FARSB: variants seen among roughly 807,000 people sequenced by gnomAD.
FARSB encodes phenylalanyl-tRNA synthetase subunit beta.
FARSB carries 40 observed loss-of-function variants against 69.6 expected under a neutral mutation model. The observed-to-expected ratio is 0.57, with a 90% CI of 0.45 to 0.75. The LOEUF is 0.75. Ranked by LOEUF, FARSB falls within the 30% of genes least tolerant of loss-of-function variation. The pLI, the probability that FARSB is intolerant of heterozygous loss-of-function variation, is 0.00. For synonymous variants in FARSB, 235 were observed against 247.2 expected (o/e 0.95, Z 0.46); for missense variants, 632 against 722.9 (o/e 0.87, Z 1.44).
chr2:222,613,017 T>C (rs957712716), intron 15 of FARSB, among the ~76,000 whole-genome samples: 21 of 152,202 alleles, frequency 1.4e-4, no homozygotes, highest in Admixed American at 2.0e-4. Context: ...ATATCAAGTA[T>C]GTTAAGACAA....
At chr2:222,654,609 G>C (rs1380192220) in intron 1 of FARSB, among the ~76,000 whole-genome samples, 1 of 152,016 alleles carries the variant, frequency 6.6e-6, no homozygotes, top group Non-Finnish European at 1.5e-5. Context: ...GCGATTAGGC[G>C]ATTAGAGCCA....
At chr2:222,612,957 A>T (rs1350896867) in intron 15 of FARSB, among the ~76,000 whole-genome samples, 1 of 152,268 alleles carries the variant, frequency 6.6e-6, no homozygotes, top group Non-Finnish European at 1.5e-5. Context: ...ATTCGCAGTC[A>T]CTGGTACAAT....
intron 16 of FARSB, among the ~76,000 whole-genome samples, chr2:222,580,252 C>T (rs558125242): frequency 6.6e-6 from 1 of 152,024 alleles, no homozygotes; most frequent in Non-Finnish European, 1.5e-5. Flanking sequence ...TATGTCATAG[C>T]TTGTCAACTT....
intron 16 of FARSB, among the ~76,000 whole-genome samples, chr2:222,578,870 T>A (rs1196756973): frequency 1.3e-5 from 2 of 151,748 alleles, no homozygotes; most frequent in Non-Finnish European, 2.9e-5. Context: ...TAGTCCCAGC[T>A]ACTCAGGAGG....
chr2:222,571,954 CCCCAAGCTT>C lies in FARSB; in HGVS notation c.1678_1686del (p.Lys560_Gly562del). On this transcript the variant is annotated inframe_deletion, in exon 17 of 17. Transcript: ENST00000281828. ...TTGGTGATAACGTCAGGATGAAGGACCCCAAGCTTCCCGACGCTTTGACCCCTGGCAAAG... is the reference window on the plus strand; with the variant it reads ...TTGGTGATAACGTCAGGATGAAGGACCCCGACGCTTTGACCCCTGGCAAAG... 1 of 1,613,792 alleles carries C rather than the reference CCCCAAGCTT, an allele frequency of 6.2e-7. No homozygotes were observed. Among genetic ancestry groups the C allele is most frequent in the South Asian group, 1.1e-5 (1 of 91,064 alleles).
intron 15 of FARSB, among the ~76,000 whole-genome samples, chr2:222,605,088 A>T (rs1690665665): frequency 6.6e-6 from 1 of 152,098 alleles, no homozygotes; most frequent in African/African-American, 2.4e-5. Context: ...TCAGACAGGC[A>T]CAAAACCTCA....
intron 10 of FARSB, 110 bp downstream of exon 10, chr2:222,628,727 C>A (rs1691338792): frequency 1.4e-6 from 1 of 721,386 alleles, no homozygotes; most frequent in East Asian, 2.6e-5. Flanking sequence ...TAGCGCCTGG[C>A]ACACGGGTGG....
At chr2:222,576,474 T>C (rs1019106587) in intron 16 of FARSB, among the ~76,000 whole-genome samples, 4 of 152,250 alleles carry the variant, frequency 2.6e-5, no homozygotes, top group South Asian at 2.1e-4. Context: ...GTTTTAACTA[T>C]ACATAAGTCT....
chr2:222,588,931 C>G (rs1474671303), intron 16 of FARSB, among the ~76,000 whole-genome samples: 1 of 152,180 alleles, frequency 6.6e-6, no homozygotes, highest in Non-Finnish European at 1.5e-5. Flanking sequence ...AATGGCCATA[C>G]TGCCCAAGGT....
At chr2:222,625,314 G>A (rs780695930) in intron 10 of FARSB, among the ~76,000 whole-genome samples, 3 of 152,160 alleles carry the variant, frequency 2.0e-5, no homozygotes, top group Non-Finnish European at 4.4e-5. Context: ...AGTGAGGTGA[G>A]AACACACACA....
At chr2:222,589,313 T>C (rs1690202850) in intron 16 of FARSB, among the ~76,000 whole-genome samples, 1 of 152,148 alleles carries the variant, frequency 6.6e-6, no homozygotes, top group Non-Finnish European at 1.5e-5. Flanking sequence ...TAGCCATATG[T>C]AGAAAGCTGA....
chr2:222,597,122 A>G (rs774350494), intron 16 of FARSB, among the ~76,000 whole-genome samples: 2 of 152,166 alleles, frequency 1.3e-5, no homozygotes, highest in Non-Finnish European at 2.9e-5. Flanking sequence ...TGATGGTGAT[A>G]GGGGGTGAAA....
At position 222,628,903 on chromosome 2, in the gene FARSB, C is replaced by T. The variant is rs758087622; in HGVS notation, c.849-15G>A. ...CAGCTTCGACCCTGAAAACAAAAGCCAGAAATAAAATACTTAAGAAAAAAA... is the reference window on the plus strand; with the variant it reads ...CAGCTTCGACCCTGAAAACAAAAGCTAGAAATAAAATACTTAAGAAAAAAA... On this transcript the variant is annotated splice_polypyrimidine_tract_variant and intron_variant, in intron 9 of 16. Transcript: ENST00000281828. 38 of 1,601,410 alleles carry T rather than the reference C, an allele frequency of 2.4e-5. No homozygotes were observed. Among genetic ancestry groups the T allele is most frequent in the Non-Finnish European group, 3.1e-5 (36 of 1,171,366 alleles).
chr2:222,643,064 TAAAAG>T (rs1691763578), intron 2 of FARSB, 59 bp from the exon 3 acceptor site: 2 of 1,129,418 alleles, frequency 1.8e-6, no homozygotes, highest in East Asian at 5.2e-5. Context: ...CTTTAAAAAG[TAAAAG>T]TTGTCAGCCC....
At chr2:222,650,325 G>C (rs1266737174) in intron 1 of FARSB, among the ~76,000 whole-genome samples, 1 of 152,186 alleles carries the variant, frequency 6.6e-6, no homozygotes, top group East Asian at 1.9e-4. Context: ...TTCTTCGGCT[G>C]GGCAAAAACA....
chr2:222,621,166 A>G (rs999015941), intron 13 of FARSB, among the ~76,000 whole-genome samples: 1 of 152,260 alleles, frequency 6.6e-6, no homozygotes, highest in African/African-American at 2.4e-5. Context: ...CTGCAGACAC[A>G]TGGCAACGCA....
chr2:222,650,567 T>C (rs1692009908), intron 1 of FARSB, among the ~76,000 whole-genome samples: 1 of 152,094 alleles, frequency 6.6e-6, no homozygotes, highest in Non-Finnish European at 1.5e-5. Context: ...CTAAGATGAC[T>C]CCCCGATCTC....
At chr2:222,576,211 T>C (rs1689835503) in intron 16 of FARSB, among the ~76,000 whole-genome samples, 1 of 152,100 alleles carries the variant, frequency 6.6e-6, no homozygotes, top group South Asian at 2.1e-4. Flanking sequence ...AATCATTTGG[T>C]ATTTTATTTA....
intron 16 of FARSB, among the ~76,000 whole-genome samples, chr2:222,587,409 A>T (rs1690144303): frequency 6.6e-6 from 1 of 152,258 alleles, no homozygotes; most frequent in Admixed American, 6.5e-5. Context: ...AAAGCAGGAA[A>T]GATCTAAAAT....
Sources: allele counts gnomAD v4.1 joint callset (sites outside exome capture counted in the v4.1 genomes callset), GRCh38; gene constraint gnomAD v4.1.1; transcripts MANE v1.5; gene names NCBI Gene and HGNC (gene_info 2026-07-23, HGNC 2026-07-21).